KAZN: variants seen among roughly 807,000 people sequenced by gnomAD.
The protein encoded by KAZN is kazrin, periplakin interacting protein.
In KAZN, 40 loss-of-function variants were observed where a neutral mutation model predicts 87.4. The ratio of observed to expected loss-of-function variants is 0.46; its 90% confidence interval spans 0.36 to 0.60. The LOEUF (loss-of-function observed/expected upper bound fraction) is 0.60. Among genes scored for constraint, KAZN ranks in the 20% least tolerant of loss-of-function variants. The pLI is 0.00. For missense variants in KAZN, 898 were observed against 1,073.9 expected (o/e 0.84, Z 2.29); for synonymous variants, 466 against 458.3 (o/e 1.02, Z -0.22).
intron 2 of KAZN, among the ~76,000 whole-genome samples, chr1:14,346,334 G>A (rs573572851): frequency 6.6e-6 from 1 of 152,292 alleles, no homozygotes; most frequent in African/African-American, 2.4e-5. Flanking sequence ...AGCTTTCAGG[G>A]GATGACTAAA....
At chr1:14,130,540 T>G (rs6429826) in intron 1 of KAZN, among the ~76,000 whole-genome samples, 86,660 of 151,834 alleles carry the variant, frequency 0.57, 25,971 homozygotes, top group East Asian at 0.76. Flanking sequence ...GCAGGTCTTT[T>G]GGGGTGGAGG....
At chr1:14,875,752 C>T (rs187136689) in intron 1 of KAZN, among the ~76,000 whole-genome samples, 41 of 152,318 alleles carry the variant, frequency 2.7e-4, no homozygotes, top group African/African-American at 9.4e-4. Flanking sequence ...AGGGCTCCTT[C>T]GCCCAACCCT....
intron 2 of KAZN, among the ~76,000 whole-genome samples, chr1:14,202,737 T>C (rs537445807): frequency 2.0e-5 from 3 of 152,190 alleles, no homozygotes; most frequent in African/African-American, 7.2e-5. Context: ...ATTTCCCCTA[T>C]TGAAGCAATA....
intron 13 of KAZN, among the ~76,000 whole-genome samples, chr1:15,111,271 T>TTGTTG (rs55891519): frequency 0.12 from 17,871 of 147,448 alleles, 1,192 homozygotes; most frequent in South Asian, 0.18. Context: ...GTTGTTGTTG[T>TTGTTG]TTGTTGTTGT....
At chr1:14,178,050 C>T (rs918520262) in intron 1 of KAZN, among the ~76,000 whole-genome samples, 4 of 152,052 alleles carry the variant, frequency 2.6e-5, no homozygotes, top group South Asian at 2.1e-4. Flanking sequence ...TACCTCCATG[C>T]TGTTCTTATG....
At chr1:15,023,920 A>G (rs1161154234) in intron 2 of KAZN, among the ~76,000 whole-genome samples, 1 of 152,054 alleles carries the variant, frequency 6.6e-6, no homozygotes, top group Non-Finnish European at 1.5e-5. Flanking sequence ...GGGGGTGGTC[A>G]AGGAAGATTC....
chr1:14,126,786 T>G (rs971400591), intron 1 of KAZN, among the ~76,000 whole-genome samples: 1 of 152,112 alleles, frequency 6.6e-6, no homozygotes, highest in Non-Finnish European at 1.5e-5. Context: ...TGGAGAATGA[T>G]GATGTAACTA....
rs535986618 is a variant in KAZN, at chr1:14,791,493, T to C, written c.227-169191T>C. On this transcript the variant is annotated intron_variant, in intron 1 of 14. Coordinates refer to ENST00000376030, the MANE Select transcript of KAZN (RefSeq NM_201628.3). Reference sequence around the variant, plus strand: ...CAAGGAAGCAACACGCTGCGCTTGTTAGATTCTGCGTGACTTGCAAGCCCC... The same window carrying C: ...CAAGGAAGCAACACGCTGCGCTTGTCAGATTCTGCGTGACTTGCAAGCCCC... Among the ~76,000 whole-genome samples, 32 of 152,316 alleles carry C rather than the reference T, an allele frequency of 2.1e-4. 1 individual carries two copies. Among genetic ancestry groups the C allele is most frequent in the Admixed American group, 6.5e-5 (1 of 15,302 alleles).
intron 1 of KAZN, among the ~76,000 whole-genome samples, chr1:13,953,771 T>C (rs1641441037): frequency 6.6e-6 from 1 of 152,220 alleles, no homozygotes; most frequent in South Asian, 2.1e-4. Context: ...ATCATTTTCT[T>C]CTAAAGCTCT....
chr1:14,746,465 C>T (rs762466658), intron 1 of KAZN, among the ~76,000 whole-genome samples: 1 of 152,042 alleles, frequency 6.6e-6, no homozygotes, highest in African/African-American at 2.4e-5. Flanking sequence ...CTTCAAACAC[C>T]GAGAAACAGA....
chr1:15,008,221 C>A (rs1423989584), intron 2 of KAZN, among the ~76,000 whole-genome samples: 1 of 152,184 alleles, frequency 6.6e-6, no homozygotes, highest in African/African-American at 2.4e-5. Flanking sequence ...ACCTCGGAGT[C>A]CAGGCCTCGG....
At chr1:14,797,362 A>C (rs113005862) in intron 1 of KAZN, among the ~76,000 whole-genome samples, 3,982 of 152,200 alleles carry the variant, frequency 0.026, 117 homozygotes, top group African/African-American at 0.075. Flanking sequence ...TCCCTGGCCT[A>C]TGGTGCTGTT....
In KAZN at chr1:15,083,172, T is replaced by C. The variant is rs1640087392; in HGVS notation, c.1223-11008T>C. Among the ~76,000 whole-genome samples the C allele has an allele frequency of 2.0e-5, 3 of 152,124 alleles. No homozygotes were observed. In the South Asian group the frequency reaches 6.2e-4, roughly 32 times the overall value. On this transcript the variant is annotated intron_variant, in intron 8 of 14. Coordinates refer to ENST00000376030, the MANE Select transcript of KAZN (RefSeq NM_201628.3). Reference sequence around the variant, plus strand: ...CAGGGTGCTCCAAACTCTTCGGAGGTAGGCACCTTTCCTTGCTCTGGATGG... The same window carrying C: ...CAGGGTGCTCCAAACTCTTCGGAGGCAGGCACCTTTCCTTGCTCTGGATGG...
At chr1:14,622,684 C>G (rs1326725980) in intron 1 of KAZN, among the ~76,000 whole-genome samples, 6 of 68,888 alleles carry the variant, frequency 8.7e-5, no homozygotes, top group South Asian at 4.6e-4. Context: ...AGCGAGACTC[C>G]ATCTCAAAAA....
At chr1:14,567,638 CTT>C (rs919270535) in intron 2 of KAZN, among the ~76,000 whole-genome samples, 8 of 152,230 alleles carry the variant, frequency 5.3e-5, no homozygotes, top group African/African-American at 1.7e-4. Context: ...ACAAACCTCT[CTT>C]TTAAACCTAA....
At chr1:15,025,014 G>A (rs1573096395) in intron 2 of KAZN, among the ~76,000 whole-genome samples, 2 of 152,286 alleles carry the variant, frequency 1.3e-5, no homozygotes, top group East Asian at 3.9e-4. Context: ...TCATGGCACA[G>A]GATCCTGCTG....
At chr1:14,353,195 G>T (rs980222549) in intron 2 of KAZN, among the ~76,000 whole-genome samples, 3 of 149,472 alleles carry the variant, frequency 2.0e-5, no homozygotes, top group Non-Finnish European at 4.4e-5. Flanking sequence ...TAGGAAGGAA[G>T]AAATAAAGCT....
intron 2 of KAZN, among the ~76,000 whole-genome samples, chr1:14,376,829 G>GTATAAAA (rs1276436362): frequency 6.6e-6 from 1 of 152,124 alleles, no homozygotes; most frequent in Non-Finnish European, 1.5e-5. Context: ...CATAGTCTGG[G>GTATAAAA]TATAAAATAA....
intron 1 of KAZN, among the ~76,000 whole-genome samples, chr1:13,997,516 G>A (rs1438747251): frequency 2.6e-5 from 4 of 151,924 alleles, no homozygotes; most frequent in Admixed American, 2.0e-4. Flanking sequence ...AGTTTTGAAA[G>A]GAGCATAAAT....
Sources: gnomAD v4.1 joint callset for allele counts (sites outside exome capture counted in the v4.1 genomes callset) on GRCh38, gnomAD v4.1.1 for gene constraint, MANE v1.5 for transcripts, NCBI Gene and HGNC (gene_info 2026-07-23, HGNC 2026-07-21) for gene names.